The following ALK variants were observed in gnomAD, a reference collection of about 807,000 sequenced individuals.
ALK encodes the protein ALK tyrosine kinase receptor.
ALK carries 74 observed loss-of-function variants against 163.1 expected under a neutral mutation model. The observed-to-expected ratio is 0.45, with a 90% confidence interval of 0.38 to 0.55. The LOEUF (loss-of-function observed/expected upper bound fraction) is 0.55, where lower values mean the gene tolerates loss of function less well. Among genes scored for constraint, ALK ranks in the 20% least tolerant of loss-of-function variants. ALK has a pLI of 0.00. For synonymous variants in ALK, 960 were observed against 843.2 expected, an observed-to-expected ratio of 1.14 and a Z score of -2.40; for missense variants, 2,063 against 2,105.3, an observed-to-expected ratio of 0.98 and a Z score of 0.39.
At chr2:29,764,261 G>A (rs770990047) in intron 1 of ALK, among the ~76,000 whole-genome samples, 1 of 152,156 alleles carries the variant, frequency 6.6e-6, no homozygotes, top group Non-Finnish European at 1.5e-5. Flanking sequence ...ATTGTGGGGA[G>A]GGTGGGTCCA....
intron 1 of ALK, among the ~76,000 whole-genome samples, chr2:29,761,693 T>C (rs1455587325): frequency 6.6e-6 from 1 of 152,192 alleles, no homozygotes; most frequent in Non-Finnish European, 1.5e-5. Flanking sequence ...CTGCTGAGCT[T>C]GTCTGTGGGC....
At chr2:29,357,630 C>T (rs1180527155) in intron 5 of ALK, among the ~76,000 whole-genome samples, 1 of 152,182 alleles carries the variant, frequency 6.6e-6, no homozygotes, top group Admixed American at 6.5e-5. Flanking sequence ...ACCTGAGGCC[C>T]CATCTCCCCC....
chr2:29,839,892 T>C (rs988394310), intron 1 of ALK, among the ~76,000 whole-genome samples: 1 of 152,210 alleles, frequency 6.6e-6, no homozygotes, highest in African/African-American at 2.4e-5. Flanking sequence ...ACACTACTCA[T>C]AGTGCTGAGC....
chr2:29,354,656 C>T lies in ALK; in HGVS notation c.1283-26175G>A, dbSNP rs113034449. Among the ~76,000 whole-genome samples, 243 of 152,240 alleles carry T rather than the reference C, an allele frequency of 1.6e-3. 1 individual carries two copies. In the South Asian group the frequency reaches 0.019, roughly 12 times the overall value. Reference sequence around the variant, plus strand: ...GCTTTGGCATGATACCTAAGAGATGCTCTCACCTCTTTTGAGGAGCAAGAT... The same window carrying T: ...GCTTTGGCATGATACCTAAGAGATGTTCTCACCTCTTTTGAGGAGCAAGAT... On this transcript the variant is annotated intron_variant, in intron 5 of 28. Coordinates refer to ENST00000389048, the MANE Select transcript of ALK (RefSeq NM_004304.5).
intron 3 of ALK, among the ~76,000 whole-genome samples, chr2:29,617,788 G>T (rs1259458823): frequency 2.0e-5 from 3 of 152,060 alleles, no homozygotes; most frequent in Non-Finnish European, 4.4e-5. Flanking sequence ...AGTCTTCCTC[G>T]CCATTCTAAC....
chr2:29,648,797 C>T (rs1676957732), intron 3 of ALK, among the ~76,000 whole-genome samples: 1 of 152,032 alleles, frequency 6.6e-6, no homozygotes, highest in Non-Finnish European at 1.5e-5. Context: ...TTGTTTTATT[C>T]TCTTATTTTG....
intron 1 of ALK, among the ~76,000 whole-genome samples, chr2:29,751,878 T>A (rs545030763): frequency 2.3e-4 from 35 of 152,310 alleles, no homozygotes; most frequent in African/African-American, 8.2e-4. Flanking sequence ...ACATAAACCC[T>A]AGAGATACTG....
At chr2:29,850,051 G>A (rs1215340721) in intron 1 of ALK, among the ~76,000 whole-genome samples, 1 of 152,146 alleles carries the variant, frequency 6.6e-6, no homozygotes, top group African/African-American at 2.4e-5. Context: ...CAAAATGATA[G>A]CCCCAAACTG....
chr2:29,919,848 G>A (rs978044972), intron 1 of ALK, 145 bp downstream of exon 1: 3 of 1,030,278 alleles, frequency 2.9e-6, no homozygotes, highest in African/African-American at 3.2e-5. Context: ...GTCTGATTCG[G>A]GAAGGAGGTT....
chr2:29,369,939 G>A (rs1266645445), intron 5 of ALK, among the ~76,000 whole-genome samples: 2 of 152,220 alleles, frequency 1.3e-5, no homozygotes, highest in Admixed American at 1.3e-4. Context: ...CCACATCAGT[G>A]GAAGAATGGC....
At chr2:29,585,783 T>C (rs1214777540) in intron 3 of ALK, among the ~76,000 whole-genome samples, 1 of 152,122 alleles carries the variant, frequency 6.6e-6, no homozygotes, top group African/African-American at 2.4e-5. Flanking sequence ...CTCAGGGTTT[T>C]GCTTTGGTAT....
intron 4 of ALK, among the ~76,000 whole-genome samples, chr2:29,431,135 A>C (rs1670263211): frequency 6.6e-6 from 1 of 152,176 alleles, no homozygotes. Flanking sequence ...GGACAACAGT[A>C]AGCTACCTGA....
At chr2:29,336,746 C>A (rs1297634692) in intron 5 of ALK, among the ~76,000 whole-genome samples, 1 of 152,144 alleles carries the variant, frequency 6.6e-6, no homozygotes, top group Non-Finnish European at 1.5e-5. Flanking sequence ...TAAACGAATG[C>A]CACATTTTAG....
At position 29,831,236 on chromosome 2, in the gene ALK, G is replaced by A. The variant is rs1197368503; in HGVS notation, c.667+88757C>T. On this transcript the variant is annotated intron_variant, in intron 1 of 28. Coordinates refer to ENST00000389048, the MANE Select transcript of ALK (RefSeq NM_004304.5). ...GGAAGAGGAAGAGGAAGAAGAAGAGGAAGAAGAAGAGGAAGAGGAAGAGGA... is the reference window on the plus strand; with the variant it reads ...GGAAGAGGAAGAGGAAGAAGAAGAGAAAGAAGAAGAGGAAGAGGAAGAGGA... Among the ~76,000 whole-genome samples, 7 of 81,326 alleles carry A rather than the reference G, an allele frequency of 8.6e-5. 2 individuals carry two copies. Among genetic ancestry groups the A allele is most frequent in the African/African-American group, 1.5e-4 (3 of 19,704 alleles). 53.4% of individuals were successfully genotyped at this position (81,326 alleles called of 152,430 possible).
At chr2:29,695,643 CAA>C (rs1462610889) in intron 2 of ALK, among the ~76,000 whole-genome samples, 2 of 152,014 alleles carry the variant, frequency 1.3e-5, no homozygotes, top group Non-Finnish European at 2.9e-5. Context: ...CTAGAATCTA[CAA>C]AGAGCTTAAA....
At position 29,306,652 on chromosome 2, in the gene ALK, C is replaced by CGTGT. The variant is rs67015445; in HGVS notation, c.1648-9599_1648-9596dup. Among the ~76,000 whole-genome samples, 756 of 151,184 alleles carry CGTGT rather than the reference C, an allele frequency of 5.0e-3. 7 individuals carry two copies. Among genetic ancestry groups the CGTGT allele is most frequent in the African/African-American group, 0.017 (693 of 41,252 alleles). On this transcript the variant is annotated intron_variant, in intron 8 of 28. Transcript: ENST00000389048. ...TTGTCCTTACCAGACAATTAACAGT[C>CGTGT]GTGTGTGTGTGTGTGTGTTTGTGTG...
chr2:29,264,196 T>C (rs1476885827), intron 11 of ALK, among the ~76,000 whole-genome samples: 1 of 152,244 alleles, frequency 6.6e-6, no homozygotes, highest in East Asian at 1.9e-4. Context: ...TGTGTCTCAG[T>C]GCACTTCACC....
At chr2:29,323,591 G>C (rs551856468) in intron 6 of ALK, among the ~76,000 whole-genome samples, 29 of 152,312 alleles carry the variant, frequency 1.9e-4, no homozygotes, top group African/African-American at 6.7e-4. Context: ...AAACCCCTAA[G>C]GGAGGAAGGA....
chr2:29,319,030 C>T (rs1230699026), intron 7 of ALK: 1 of 154,760 alleles, frequency 6.5e-6, no homozygotes, highest in East Asian at 1.9e-4. Context: ...GCGTGGCCTT[C>T]CAGTGGTTTC....
Sources: gnomAD v4.1 joint callset for allele counts (sites outside exome capture counted in the v4.1 genomes callset) on GRCh38, gnomAD v4.1.1 for gene constraint, MANE v1.5 for transcripts, NCBI Gene and HGNC (gene_info 2026-07-23, HGNC 2026-07-21) for gene names.